The following SYNPO2 variants were observed in gnomAD, a reference collection of about 807,000 sequenced individuals.
SYNPO2 encodes the protein synaptopodin 2, also known as synaptopodin-2.
In SYNPO2, 56 loss-of-function variants were observed where a neutral mutation model predicts 85.0. The ratio of observed to expected loss-of-function variants is 0.66; its 90% CI spans 0.53 to 0.82. The LOEUF is 0.82. Ranked by LOEUF, SYNPO2 falls within the 40% of genes least tolerant of loss-of-function variation. The pLI, the probability that SYNPO2 is intolerant of heterozygous loss-of-function variation, is 0.00. For missense variants in SYNPO2, 1,575 were observed against 1,534.2 expected (o/e 1.03, Z -0.44); for synonymous variants, 602 against 591.1 (o/e 1.02, Z -0.27).
intron 1 of SYNPO2, among the ~76,000 whole-genome samples, chr4:118,980,210 G>T (rs1735954555): frequency 1.3e-5 from 2 of 152,116 alleles, no homozygotes; most frequent in South Asian, 4.1e-4. Context: ...TGGAAATCTT[G>T]ATTTTCAACT....
intron 1 of SYNPO2, among the ~76,000 whole-genome samples, chr4:118,901,322 C>A (rs1450874150): frequency 6.6e-6 from 1 of 152,196 alleles, no homozygotes; most frequent in African/African-American, 2.4e-5. Flanking sequence ...GCTTCCTAAT[C>A]CCAATTGCTT....
chr4:118,991,888 T>A (rs1402933136), intron 1 of SYNPO2, among the ~76,000 whole-genome samples: 1 of 152,128 alleles, frequency 6.6e-6, no homozygotes, highest in Admixed American at 6.6e-5. Context: ...AGTGCTTGGC[T>A]GAGGAAGTGA....
At chr4:118,882,943 T>C (rs1056482879) in intron 1 of SYNPO2, among the ~76,000 whole-genome samples, 2 of 152,110 alleles carry the variant, frequency 1.3e-5, no homozygotes, top group Admixed American at 6.5e-5. Flanking sequence ...TTTGTATTTT[T>C]AGTGAGACGG....
Position 119,023,555 on chromosome 4 carries a change from A to G in SYNPO2, c.231A>G (p.Thr77=), listed in dbSNP as rs778711362. ...PEVIKLMESI[T]DSLQMLIKRP... Reference sequence around the variant, plus strand: ...TCATCAAGCTCATGGAAAGCATAACAGACTCTCTCCAAATGCTCATCAAAA... The same window carrying G: ...TCATCAAGCTCATGGAAAGCATAACGGACTCTCTCCAAATGCTCATCAAAA... Residue 77 remains threonine, a synonymous_variant, in exon 2 of 5, where the codon ACA becomes ACG. Transcript: ENST00000307142. 57 of 1,613,486 alleles carry G rather than the reference A, an allele frequency of 3.5e-5. No homozygotes were observed. In the Admixed American group the frequency reaches 9.5e-4, roughly 27 times the overall value.
At chr4:118,987,874 T>A (rs985340256) in intron 1 of SYNPO2, among the ~76,000 whole-genome samples, 2 of 152,216 alleles carry the variant, frequency 1.3e-5, no homozygotes, top group African/African-American at 4.8e-5. Flanking sequence ...ACATATAAGA[T>A]GTGTATAATC....
At position 119,027,177 on chromosome 4, in the gene SYNPO2, G is replaced by C. The variant is rs1469465083; in HGVS notation, c.808G>C (p.Val270Leu). The change falls in exon 3 of 5, where the codon GTG (valine) becomes CTG (leucine). Residue 270 changes from valine to leucine, a missense_variant. Around this residue, in one of 3 missense-constraint regions of SYNPO2, gnomAD observed 1,508 missense variants for 1,446.8 expected, o/e 1.04. Coordinates refer to ENST00000307142, the MANE Select transcript of SYNPO2 (RefSeq NM_133477.3). ...IQISSGRELRVIQESEAGDAG... is the reference protein window; with the variant it reads ...IQISSGRELRLIQESEAGDAG... ...GATCTCCAGTGGCAGAGAGTTGAGA[G>C]TGATCCAGGAAAGTGAAGCAGGAGA... 6 of 1,614,180 alleles carry C rather than the reference G, an allele frequency of 3.7e-6. No homozygotes were observed. Among genetic ancestry groups the C allele is most frequent in the Non-Finnish European group, 8.5e-7 (1 of 1,180,036 alleles).
intron 1 of SYNPO2, among the ~76,000 whole-genome samples, chr4:118,982,341 C>CATGAGT (rs1166407792): frequency 6.6e-6 from 1 of 152,186 alleles, no homozygotes; most frequent in Non-Finnish European, 1.5e-5. Flanking sequence ...GGGACAAAAT[C>CATGAGT]ATGAGTATGT....
chr4:119,036,974 AGT>A (rs1738540225), intron 4 of SYNPO2: 2 of 1,303,514 alleles, frequency 1.5e-6, no homozygotes, highest in African/African-American at 3.0e-5. Context: ...CTAGAGTTTA[AGT>A]AATTTTTTTG....
In SYNPO2 at chr4:119,012,375, C is replaced by CTTTTT. The variant is rs10651853; in HGVS notation, c.106-11041_106-11037dup. Among the ~76,000 whole-genome samples, 337 of 109,614 alleles carry CTTTTT rather than the reference C, an allele frequency of 3.1e-3. 1 individual carries two copies. The highest frequency in any genetic ancestry group is 0.01 in the East Asian group (39 of 3,734). The allele number at this position is 109,614 out of a possible 152,430, so 71.9% of individuals were successfully genotyped here. A position where few individuals can be genotyped will look rare whatever the true frequency, so the allele number is the denominator to read the frequency against. ...ATGGTTCCTTTTTTTTCCCCCTTTT[C>CTTTTT]TTTTTTTTTTTTTTTTTTATTTTAC... On this transcript the variant is annotated intron_variant, in intron 1 of 4. Coordinates refer to ENST00000307142, the MANE Select transcript of SYNPO2 (RefSeq NM_133477.3).
chr4:119,026,033 A>G (rs7671665), intron 2 of SYNPO2, among the ~76,000 whole-genome samples: 45,851 of 152,092 alleles, frequency 0.3, 7,090 homozygotes, highest in East Asian at 0.43. Flanking sequence ...TGACTTAATG[A>G]TTCATTGCAG....
At chr4:118,935,004 A>G (rs1734053610) in intron 1 of SYNPO2, among the ~76,000 whole-genome samples, 1 of 152,200 alleles carries the variant, frequency 6.6e-6, no homozygotes, top group Non-Finnish European at 1.5e-5. Context: ...TAGTTAAGAT[A>G]GTTATCCTAA....
At chr4:118,944,364 A>G (rs568749149) in intron 1 of SYNPO2, among the ~76,000 whole-genome samples, 1 of 152,234 alleles carries the variant, frequency 6.6e-6, no homozygotes, top group East Asian at 1.9e-4. Flanking sequence ...AAATCAAGTT[A>G]CCCCAACCCC....
At chr4:118,892,263 A>T (rs1274127497) in intron 1 of SYNPO2, among the ~76,000 whole-genome samples, 1 of 152,220 alleles carries the variant, frequency 6.6e-6, no homozygotes, top group African/African-American at 2.4e-5. Context: ...TTAAAAAATA[A>T]ACCAAATTTT....
At chr4:119,025,793 G>A (rs980922460) in intron 2 of SYNPO2, among the ~76,000 whole-genome samples, 1 of 152,148 alleles carries the variant, frequency 6.6e-6, no homozygotes, top group East Asian at 1.9e-4. Context: ...TTAAATTAGA[G>A]TTTCAGAAAG....
At chr4:118,959,524 T>C (rs1259642270) in intron 1 of SYNPO2, among the ~76,000 whole-genome samples, 1 of 152,224 alleles carries the variant, frequency 6.6e-6, no homozygotes, top group Non-Finnish European at 1.5e-5. Flanking sequence ...TTAAATGGCA[T>C]GAACAATGTG....
intron 1 of SYNPO2, among the ~76,000 whole-genome samples, chr4:118,991,116 T>C (rs1736399046): frequency 6.6e-6 from 1 of 152,162 alleles, no homozygotes; most frequent in African/African-American, 2.4e-5. Context: ...CCTAATTAAA[T>C]GACTCTTTTT....
intron 1 of SYNPO2, among the ~76,000 whole-genome samples, chr4:118,868,169 C>T (rs918418495): frequency 2.7e-5 from 4 of 150,640 alleles, no homozygotes; most frequent in Non-Finnish European, 5.9e-5. Flanking sequence ...ATTAGATGCT[C>T]TTGTAAAACA....
intron 1 of SYNPO2, among the ~76,000 whole-genome samples, chr4:118,975,937 A>ATAAATATTT (rs1455045876): frequency 1.3e-5 from 2 of 152,240 alleles, no homozygotes; most frequent in Non-Finnish European, 2.9e-5. Flanking sequence ...CAGGAGAAAA[A>ATAAATATTT]TAAATATTTT....
intron 1 of SYNPO2, among the ~76,000 whole-genome samples, chr4:118,881,494 C>A (rs1157362170): frequency 2.0e-5 from 3 of 152,162 alleles, no homozygotes; most frequent in African/African-American, 7.2e-5. Flanking sequence ...GTTGCTTAGG[C>A]CACCCAATCC....
Sources: allele counts gnomAD v4.1 joint callset (sites outside exome capture counted in the v4.1 genomes callset), GRCh38; gene constraint gnomAD v4.1.1; regional missense constraint gnomAD v4.1.1; transcripts MANE v1.5; gene names NCBI Gene and HGNC (gene_info 2026-07-23, HGNC 2026-07-21).